Variants in RBFOX1 observed in about 807,000 individuals in gnomAD.
The protein encoded by RBFOX1 is RNA binding protein fox-1 homolog 1.
RBFOX1 carries 8 observed loss-of-function variants against 57.7 expected under a neutral mutation model. The ratio of observed to expected loss-of-function variants is 0.14; its 90% CI spans 0.08 to 0.25. RBFOX1 has a LOEUF of 0.25. RBFOX1 is among the 10% of genes least tolerant of loss of function. RBFOX1 has a pLI of 1.00. For synonymous variants in RBFOX1, 326 were observed against 222.4 expected, an observed-to-expected ratio of 1.47 and a Z score of -4.15; for missense variants, 611 against 548.5, an observed-to-expected ratio of 1.11 and a Z score of -1.14.
Position 6,727,745 on chromosome 16 carries a change from C to G in RBFOX1, c.-16+73095C>G, listed in dbSNP as rs541885248. ...ACGTGTGAGTCTCTCCATGAAGTAC[C>G]CTGCTGAGTTCAGTAGCATCCGTCC... is the stretch of plus-strand genomic sequence containing the variant. On this transcript the variant is annotated intron_variant, in intron 3 of 15. Transcript: ENST00000550418. Among the ~76,000 whole-genome samples the G allele has an allele frequency of 3.3e-5, 5 of 152,178 alleles. No homozygotes were observed. In the South Asian group the frequency reaches 1.0e-3, roughly 32 times the overall value.
At chr16:7,606,968 T>C (rs940043144) in intron 9 of RBFOX1, among the ~76,000 whole-genome samples, 4 of 152,082 alleles carry the variant, frequency 2.6e-5, no homozygotes, top group African/African-American at 7.2e-5. Context: ...TAAGAAAAAA[T>C]TAAAATTATT....
intron 11 of RBFOX1, among the ~76,000 whole-genome samples, chr16:7,653,122 T>G (rs1243420664): frequency 1.3e-5 from 2 of 152,224 alleles, no homozygotes; most frequent in Non-Finnish European, 2.9e-5. Context: ...CATATGTGTA[T>G]TTTGCATGCA....
intron 2 of RBFOX1, among the ~76,000 whole-genome samples, chr16:6,363,811 C>G (rs1005097058): frequency 2.2e-4 from 33 of 152,222 alleles, no homozygotes; most frequent in African/African-American, 7.0e-4. Context: ...CCTCTTGTTA[C>G]TTTTTAATGA....
intron 1 of RBFOX1, among the ~76,000 whole-genome samples, chr16:6,215,711 G>T (rs1352821172): frequency 1.3e-5 from 2 of 152,048 alleles, no homozygotes; most frequent in African/African-American, 4.8e-5. Context: ...CCTGGGTGAT[G>T]ATCTGTGGGC....
intron 3 of RBFOX1, among the ~76,000 whole-genome samples, chr16:7,021,158 T>G (rs960724591): frequency 6.6e-6 from 1 of 152,014 alleles, no homozygotes; most frequent in African/African-American, 2.4e-5. Context: ...AATAAATGAA[T>G]AAACGAAGCA....
chr16:5,291,887 A>G (rs1271074442), intron 1 of RBFOX1, among the ~76,000 whole-genome samples: 1 of 152,122 alleles, frequency 6.6e-6, no homozygotes, highest in Non-Finnish European at 1.5e-5. Flanking sequence ...GAAGAAAAGC[A>G]TACTCAAGTG....
intron 4 of RBFOX1, among the ~76,000 whole-genome samples, chr16:7,260,297 C>G (rs17143129): frequency 0.018 from 2,815 of 152,240 alleles, 64 homozygotes; most frequent in African/African-American, 0.058. Flanking sequence ...ACATGCTTCA[C>G]TTTTGGTTTG....
intron 1 of RBFOX1, among the ~76,000 whole-genome samples, chr16:5,324,771 A>G (rs979673604): frequency 2.0e-5 from 3 of 152,184 alleles, no homozygotes; most frequent in Non-Finnish European, 2.9e-5. Context: ...TCACGGACAC[A>G]TAGAGGGGAA....
At chr16:7,181,749 C>G (rs1400066307) in intron 4 of RBFOX1, among the ~76,000 whole-genome samples, 1 of 151,888 alleles carries the variant, frequency 6.6e-6, no homozygotes, top group African/African-American at 2.4e-5. Flanking sequence ...TTGGTAGAGA[C>G]ACAGTCTTGC....
chr16:7,380,517 A>G (rs1022575072), intron 4 of RBFOX1, among the ~76,000 whole-genome samples: 1 of 152,184 alleles, frequency 6.6e-6, no homozygotes, highest in African/African-American at 2.4e-5. Context: ...ATCATCTTTC[A>G]GTGTACTGTA....
At chr16:6,559,889 C>T (rs922311831) in intron 2 of RBFOX1, among the ~76,000 whole-genome samples, 2 of 152,078 alleles carry the variant, frequency 1.3e-5, no homozygotes, top group African/African-American at 2.4e-5. Flanking sequence ...AAAACAAGAA[C>T]CTCTGGTTCC....
At chr16:7,475,059 G>C (rs569688551) in intron 4 of RBFOX1, among the ~76,000 whole-genome samples, 3 of 152,192 alleles carry the variant, frequency 2.0e-5, no homozygotes, top group Non-Finnish European at 4.4e-5. Flanking sequence ...CACCAAATCA[G>C]AGAGTCTTTG....
At chr16:5,278,785 C>T (rs1339785149) in intron 1 of RBFOX1, among the ~76,000 whole-genome samples, 2 of 152,226 alleles carry the variant, frequency 1.3e-5, no homozygotes, top group East Asian at 1.9e-4. Flanking sequence ...AGATAAGGGT[C>T]TAGTTTTATT....
In RBFOX1 at chr16:6,003,225, G is replaced by A. The variant is rs900848520; in HGVS notation, c.351+135890G>A. 2.0e-5 allele frequency among the ~76,000 whole-genome samples: 3 copies of A among 150,196 alleles called. No individual in the cohort carries two copies. In the Admixed American group the frequency reaches 2.0e-4, roughly 10 times the overall value. The stretch of plus-strand genomic sequence containing the variant: ...AACTGGGAGGCGGAGCTTCCGGTGA[G>A]CCGAGATCGCGCCACTGCACTCCAG... On this transcript the variant is annotated intron_variant, in intron 4 of 19. Transcript: ENST00000641259.
At chr16:7,094,363 T>G (rs1200946579) in intron 4 of RBFOX1, among the ~76,000 whole-genome samples, 1 of 151,948 alleles carries the variant, frequency 6.6e-6, no homozygotes, top group Non-Finnish European at 1.5e-5. Flanking sequence ...CTTTGCCCAT[T>G]GTCTTCCATT....
chr16:7,399,401 C>G (rs900662781), intron 4 of RBFOX1, among the ~76,000 whole-genome samples: 12 of 152,160 alleles, frequency 7.9e-5, no homozygotes, highest in African/African-American at 2.7e-4. Flanking sequence ...GAGCCGGGAT[C>G]AGACTGTTGC....
intron 2 of RBFOX1, among the ~76,000 whole-genome samples, chr16:6,576,734 T>A (rs2097443985): frequency 6.6e-6 from 1 of 152,178 alleles, no homozygotes; most frequent in Non-Finnish European, 1.5e-5. Flanking sequence ...CAATAATTTT[T>A]TACTGCAACG....
At chr16:5,518,244 C>T (rs1001060885) in intron 2 of RBFOX1, among the ~76,000 whole-genome samples, 1 of 152,156 alleles carries the variant, frequency 6.6e-6, no homozygotes, top group African/African-American at 2.4e-5. Flanking sequence ...TCATAAAGTG[C>T]ATCGTATACT....
rs190975806 is a variant in RBFOX1, at chr16:7,469,943, G to C, written c.28-48204G>C. 7.9e-5 allele frequency among the ~76,000 whole-genome samples: 12 copies of C among 151,502 alleles called. 1 individual carries two copies. In the East Asian group the frequency reaches 2.1e-3, roughly 27 times the overall value. On this transcript the variant is annotated intron_variant, in intron 4 of 15. Coordinates refer to ENST00000550418, the MANE Select transcript of RBFOX1 (RefSeq NM_018723.4). ...GGAATCATACATTATTTGTCTTTTT[G>C]TGACTGGCTTATTTCTCTTAGCATA...
Sources: gnomAD v4.1 joint callset for allele counts (sites outside exome capture counted in the v4.1 genomes callset) on GRCh38, gnomAD v4.1.1 for gene constraint, MANE v1.5 for transcripts, NCBI Gene and HGNC (gene_info 2026-07-23, HGNC 2026-07-21) for gene names.